Variants in AMBRA1 observed in about 807,000 individuals in gnomAD.
AMBRA1 encodes the protein autophagy and beclin 1 regulator 1, also known as activating molecule in BECN1-regulated autophagy protein 1.
AMBRA1 carries 47 observed loss-of-function variants against 125.4 expected under a neutral mutation model. The observed-to-expected ratio is 0.37, with a 90% CI of 0.30 to 0.48. The LOEUF (loss-of-function observed/expected upper bound fraction) is 0.48. Ranked by LOEUF, AMBRA1 falls within the 20% of genes least tolerant of loss-of-function variation. The pLI, the probability that AMBRA1 is intolerant of heterozygous loss-of-function variation, is 0.99. For synonymous variants in AMBRA1, 626 were observed against 655.5 expected, an observed-to-expected ratio of 0.95 and a Z score of 0.69; for missense variants, 1,331 against 1,693.4, an observed-to-expected ratio of 0.79 and a Z score of 3.76.
intron 1 of AMBRA1, among the ~76,000 whole-genome samples, chr11:46,583,455 T>C (rs1395048198): frequency 1.3e-5 from 2 of 150,836 alleles, no homozygotes; most frequent in Non-Finnish European, 3.0e-5. Context: ...GGACTTCATG[T>C]CTAAAACACC....
intron 9 of AMBRA1, among the ~76,000 whole-genome samples, chr11:46,500,191 A>G (rs1378862039): frequency 6.6e-6 from 1 of 152,194 alleles, no homozygotes; most frequent in Non-Finnish European, 1.5e-5. Flanking sequence ...AAGTGATCTC[A>G]ATGCCAGTCA....
At position 46,542,261 on chromosome 11, in the gene AMBRA1, T is replaced by C. The variant is rs1479182167; in HGVS notation, c.1756A>G (p.Arg586Gly). 6.2e-7 allele frequency: 1 copy of C among 1,614,102 alleles called. No individual in the cohort carries two copies. The highest frequency in any genetic ancestry group is 8.5e-7 in the Non-Finnish European group (1 of 1,180,036). The change falls in exon 7 of 18, where the codon AGA becomes GGA. Residue 586 changes from arginine (R) to glycine (G), a missense_variant. Transcript: ENST00000683756. The surrounding 1 kb of genome is among the most constrained non-coding windows in gnomAD (Gnocchi z 5.9). ...TFNNDTLRWE[R>G]TTPNYSSGEA... ...CCAGAGGAGTAGTTAGGTGTGGTTC[T>C]TTCCCAGCGCAGGGTATCGTTGTTG... is the stretch of plus-strand genomic sequence containing the variant.
chr11:46,580,530 T>C (rs868382507), intron 1 of AMBRA1, among the ~76,000 whole-genome samples: 6 of 152,322 alleles, frequency 3.9e-5, no homozygotes, highest in Middle Eastern at 6.8e-3. Flanking sequence ...ACCACCTTCA[T>C]CTACCCAGAT....
intron 1 of AMBRA1, among the ~76,000 whole-genome samples, chr11:46,551,078 C>T (rs1305327254): frequency 3.0e-5 from 4 of 133,706 alleles, no homozygotes; most frequent in African/African-American, 1.2e-4. Context: ...GCCTGGGCGA[C>T]GGAGTGAGAC....
At chr11:46,414,100 C>T (rs1488688179) in intron 15 of AMBRA1, among the ~76,000 whole-genome samples, 2 of 152,212 alleles carry the variant, frequency 1.3e-5, no homozygotes, top group African/African-American at 2.4e-5. Context: ...CTGAACAGAC[C>T]TGAGCTCCCT....
chr11:46,543,015 G>C lies in AMBRA1; in HGVS notation c.1002C>G (p.Ala334=), dbSNP rs376172728. 1.2e-5 allele frequency: 19 copies of C among 1,599,752 alleles called. No homozygotes were observed. Among genetic ancestry groups the C allele is most frequent in the Non-Finnish European group, 1.5e-5 (18 of 1,179,908 alleles). The change falls in exon 7 of 18, where the codon GCC becomes GCG. Residue 334 remains alanine, a synonymous_variant. Transcript: ENST00000683756. ...AAGAAAAGGAAGGGGTAGTAGCTCT[G>C]GCAGAAGCAGGGGGGACACTGTCCT... ...PHQDSVPPAS[A]RATTPSFSFV... is the part of the protein sequence containing the mutation.
chr11:46,481,790 A>G (rs1354845212), intron 11 of AMBRA1, among the ~76,000 whole-genome samples: 3 of 152,130 alleles, frequency 2.0e-5, no homozygotes, highest in Non-Finnish European at 4.4e-5. Context: ...TCCAACTCCC[A>G]CTCTGTCAAG....
intron 7 of AMBRA1, among the ~76,000 whole-genome samples, chr11:46,523,696 C>T (rs539644174): frequency 6.6e-6 from 1 of 152,068 alleles, no homozygotes; most frequent in African/African-American, 2.4e-5. Context: ...TACCCAGATG[C>T]GCTTTATTTA....
intron 1 of AMBRA1, among the ~76,000 whole-genome samples, chr11:46,553,485 A>G (rs1591106832): frequency 2.0e-5 from 3 of 152,010 alleles, no homozygotes; most frequent in Non-Finnish European, 2.9e-5. Flanking sequence ...AGTGGCTCAC[A>G]CCTGTAATCC....
chr11:46,438,643 TAA>T (rs1206593755), intron 12 of AMBRA1, among the ~76,000 whole-genome samples: 1 of 152,130 alleles, frequency 6.6e-6, no homozygotes, highest in Non-Finnish European at 1.5e-5. Context: ...AGATGACCCA[TAA>T]ACACTCCCTG....
chr11:46,435,161 T>C (rs1947660921), intron 12 of AMBRA1, 124 bp from the exon 13 acceptor site: 1 of 833,680 alleles, frequency 1.2e-6, no homozygotes, highest in East Asian at 2.8e-5. Flanking sequence ...TGCTAAAGAA[T>C]ACCTTCTCAT....
At chr11:46,493,760 G>T in intron 10 of AMBRA1, 52 bp from the exon 11 acceptor site, 1 of 1,406,146 alleles carries the variant, frequency 7.1e-7, no homozygotes. Context: ...CCACGAAACA[G>T]ATACTAACTA....
chr11:46,545,982 C>A, intron 4 of AMBRA1: 11 of 442,042 alleles, frequency 2.5e-5, no homozygotes, highest in East Asian at 4.2e-5. Flanking sequence ...TTCAGTTCTT[C>A]AAATTAGTCA....
At chr11:46,545,949 T>C (rs914382337) in intron 4 of AMBRA1, 173 bp from the exon 5 acceptor site, 83 of 603,246 alleles carry the variant, frequency 1.4e-4, no homozygotes, top group Admixed American at 2.7e-4. Context: ...CACTAATTTA[T>C]CAGATAAATA....
At chr11:46,510,421 G>A (rs1041861596) in intron 8 of AMBRA1, among the ~76,000 whole-genome samples, 2 of 152,140 alleles carry the variant, frequency 1.3e-5, no homozygotes, top group Non-Finnish European at 2.9e-5. Flanking sequence ...AGCATCATTG[G>A]TTAAATTCTC....
Position 46,521,768 on chromosome 11 carries a change from T to C in AMBRA1, c.2073-8955A>G, listed in dbSNP as rs569422705. ...GTGCACTTAAAGCATGTGATGCAGT[T>C]GCCAGCAGAGACTGGCAGGCAATTC... On this transcript the variant is annotated intron_variant, in intron 7 of 17. Transcript: ENST00000683756. Among the ~76,000 whole-genome samples the C allele has an allele frequency of 1.0e-3, 154 of 152,322 alleles. 1 individual carries two copies. The highest frequency in any genetic ancestry group is 3.6e-3 in the African/African-American group (149 of 41,568).
chr11:46,587,495 T>A (rs1018403999), intron 1 of AMBRA1, among the ~76,000 whole-genome samples: 2 of 150,254 alleles, frequency 1.3e-5, no homozygotes, highest in Non-Finnish European at 3.0e-5. Context: ...CAGACACATA[T>A]TACATGTAGC....
At chr11:46,454,579 CAAAA>C (rs777518872) in intron 11 of AMBRA1, among the ~76,000 whole-genome samples, 8 of 50,498 alleles carry the variant, frequency 1.6e-4, no homozygotes, top group Admixed American at 1.3e-3. Flanking sequence ...ACTAAAAATA[CAAAA>C]AAAAAAAAAA....
intron 7 of AMBRA1, among the ~76,000 whole-genome samples, chr11:46,537,960 C>G (rs1222337867): frequency 6.6e-6 from 1 of 152,202 alleles, no homozygotes; most frequent in African/African-American, 2.4e-5. Context: ...ACACAAACAG[C>G]AGGGACACCT....
Sources: gnomAD v4.1 joint callset for allele counts (sites outside exome capture counted in the v4.1 genomes callset) on GRCh38, gnomAD v4.1.1 for gene constraint, Gnocchi (gnomAD v3.1) non-coding constraint, MANE v1.5 for transcripts, NCBI Gene and HGNC (gene_info 2026-07-23, HGNC 2026-07-21) for gene names.